Variants in FAM193A observed in about 807,000 individuals in gnomAD.
FAM193A encodes the protein protein FAM193A.
A neutral mutation model predicts 126.5 loss-of-function variants in FAM193A; 22 were observed. The ratio of observed to expected loss-of-function variants is 0.17; its 90% CI spans 0.12 to 0.25. The LOEUF is 0.25. Ranked by LOEUF, FAM193A falls within the 10% of genes least tolerant of loss-of-function variation. FAM193A has a pLI of 1.00. For synonymous variants in FAM193A, 761 were observed against 646.8 expected (o/e 1.18, Z -2.68); for missense variants, 1,675 against 1,672.8 (o/e 1.00, Z -0.02).
intron 15 of FAM193A, among the ~76,000 whole-genome samples, chr4:2,692,034 A>G (rs998001886): frequency 6.6e-6 from 1 of 152,196 alleles, no homozygotes; most frequent in Admixed American, 6.5e-5. Context: ...GAGTATTTCT[A>G]CTGTTCAAAA....
intron 1 of FAM193A, among the ~76,000 whole-genome samples, chr4:2,593,966 C>T (rs1225055802): frequency 1.3e-5 from 2 of 150,842 alleles, no homozygotes; most frequent in Non-Finnish European, 2.9e-5. Flanking sequence ...AGTAGTCTGG[C>T]GTTCTCTAGG....
chr4:2,618,025 G>T (rs1257534137), intron 2 of FAM193A, among the ~76,000 whole-genome samples: 2 of 152,128 alleles, frequency 1.3e-5, no homozygotes, highest in African/African-American at 2.4e-5. Flanking sequence ...GTTTTAAAAA[G>T]ATATTTCTGT....
intron 2 of FAM193A, among the ~76,000 whole-genome samples, chr4:2,605,936 A>C (rs1385939350): frequency 1.7e-4 from 18 of 108,986 alleles, no homozygotes; most frequent in African/African-American, 5.9e-4. Context: ...GCACCACTGC[A>C]CTCCAGCCTA....
chr4:2,591,651 A>C (rs140684586), intron 1 of FAM193A, among the ~76,000 whole-genome samples: 6 of 152,282 alleles, frequency 3.9e-5, no homozygotes, highest in African/African-American at 7.2e-5. Context: ...GTTTATAAGA[A>C]GTTTATCTGT....
At chr4:2,623,606 C>G (rs1483866895) in intron 2 of FAM193A, among the ~76,000 whole-genome samples, 4 of 152,232 alleles carry the variant, frequency 2.6e-5, no homozygotes, top group African/African-American at 9.6e-5. Context: ...TGGGAGTTTC[C>G]TTGTGCTTGG....
intron 1 of FAM193A, among the ~76,000 whole-genome samples, chr4:2,579,483 A>G (rs1739797714): frequency 6.6e-6 from 1 of 152,134 alleles, no homozygotes; most frequent in South Asian, 2.1e-4. Flanking sequence ...GGATCACTTA[A>G]ACCCAGGCGT....
At chr4:2,570,881 G>GT (rs1739254169) in intron 1 of FAM193A, among the ~76,000 whole-genome samples, 1 of 152,138 alleles carries the variant, frequency 6.6e-6, no homozygotes, top group Non-Finnish European at 1.5e-5. Flanking sequence ...ATCCTGGGTA[G>GT]TAAGTCAAGC....
chr4:2,605,038 C>T (rs1366529464), intron 2 of FAM193A, among the ~76,000 whole-genome samples: 5 of 150,964 alleles, frequency 3.3e-5, no homozygotes, highest in Non-Finnish European at 5.9e-5. Flanking sequence ...TGAACTCCGG[C>T]GCCCAAGCAA....
At chr4:2,696,947 T>G (rs1717106058) in intron 18 of FAM193A, among the ~76,000 whole-genome samples, 1 of 152,100 alleles carries the variant, frequency 6.6e-6, no homozygotes, top group African/African-American at 2.4e-5. Flanking sequence ...AAGGCCCAGG[T>G]GGGCTTTTGG....
At chr4:2,664,287 C>G (rs889241414) in intron 12 of FAM193A, among the ~76,000 whole-genome samples, 2 of 152,146 alleles carry the variant, frequency 1.3e-5, no homozygotes, top group African/African-American at 2.4e-5. Flanking sequence ...ATAAATTCAC[C>G]TTTTCTGCAT....
chr4:2,606,205 T>C (rs1167184924), intron 2 of FAM193A, among the ~76,000 whole-genome samples: 1 of 151,396 alleles, frequency 6.6e-6, no homozygotes, highest in Admixed American at 6.6e-5. Flanking sequence ...CGTTTGCCAC[T>C]GCGCCCGGCT....
chr4:2,633,457 A>G (rs1030720385), intron 5 of FAM193A, among the ~76,000 whole-genome samples: 2 of 152,114 alleles, frequency 1.3e-5, no homozygotes, highest in African/African-American at 4.8e-5. Context: ...AAAAAAATGC[A>G]TACACCCAGA....
intron 1 of FAM193A, among the ~76,000 whole-genome samples, chr4:2,594,269 G>A (rs989329331): frequency 1.3e-5 from 2 of 152,116 alleles, no homozygotes; most frequent in African/African-American, 4.8e-5. Context: ...TGGAGCCTGG[G>A]GTCCAAATGA....
intron 1 of FAM193A, among the ~76,000 whole-genome samples, chr4:2,557,951 C>CA (rs879565604): frequency 1.3e-3 from 172 of 135,622 alleles, no homozygotes; most frequent in Middle Eastern, 4.2e-3. Flanking sequence ...GACTCCGTCT[C>CA]AAAAAAAAAA....
intron 6 of FAM193A, among the ~76,000 whole-genome samples, chr4:2,641,839 C>T (rs772995465): frequency 1.3e-5 from 2 of 152,086 alleles, no homozygotes; most frequent in African/African-American, 2.4e-5. Flanking sequence ...CGTGCTGGCT[C>T]ATGCCTCTAG....
At chr4:2,705,410 C>T (rs1174194789) in intron 19 of FAM193A, among the ~76,000 whole-genome samples, 1 of 151,716 alleles carries the variant, frequency 6.6e-6, no homozygotes, top group African/African-American at 2.4e-5. Flanking sequence ...TTTACGCTAA[C>T]ATTGTGATTA....
chr4:2,714,405 C>T (rs557719917), intron 19 of FAM193A, among the ~76,000 whole-genome samples: 3 of 152,104 alleles, frequency 2.0e-5, no homozygotes, highest in Admixed American at 1.3e-4. Context: ...CTATTGGCTG[C>T]GTTTCCTTTA....
At chr4:2,686,423 C>G (rs911481149) in intron 13 of FAM193A, among the ~76,000 whole-genome samples, 1 of 152,170 alleles carries the variant, frequency 6.6e-6, no homozygotes, top group African/African-American at 2.4e-5. Flanking sequence ...CTTGGCCCCT[C>G]TTTTCAAAGA....
upstream of FAM193A, among the ~76,000 whole-genome samples, chr4:2,535,885 AG>A (rs2108792584): frequency 6.6e-6 from 1 of 152,104 alleles, no homozygotes; most frequent in Non-Finnish European, 1.5e-5. Context: ...GGCGTGTCCC[AG>A]CCCCAGGCCC....
Sources: gnomAD v4.1 joint callset for allele counts (sites outside exome capture counted in the v4.1 genomes callset) on GRCh38, gnomAD v4.1.1 for gene constraint, MANE v1.5 for transcripts, NCBI Gene and HGNC (gene_info 2026-07-23, HGNC 2026-07-21) for gene names.